The following BCAR3 variants were observed in gnomAD, a reference collection of about 807,000 sequenced individuals.
The protein encoded by BCAR3 is breast cancer anti-estrogen resistance protein 3.
In BCAR3, 37 loss-of-function variants were observed where a neutral mutation model predicts 80.1. The observed-to-expected ratio is 0.46, with a 90% confidence interval of 0.36 to 0.61. The LOEUF (loss-of-function observed/expected upper bound fraction) is 0.61, where lower values mean the gene tolerates loss of function less well. Among genes scored for constraint, BCAR3 ranks in the 20% least tolerant of loss-of-function variants. The pLI, the probability that BCAR3 is intolerant of heterozygous loss-of-function variation, is 0.00. For missense variants in BCAR3, 978 were observed against 1,068.2 expected (o/e 0.92, Z 1.18); for synonymous variants, 389 against 418.9 (o/e 0.93, Z 0.87).
chr1:93,695,100 A>G (rs1649341963), intron 3 of BCAR3, among the ~76,000 whole-genome samples: 2 of 152,202 alleles, frequency 1.3e-5, no homozygotes, highest in African/African-American at 4.8e-5. Flanking sequence ...CCTGTCATGC[A>G]TCGACATCAT....
rs75230671 is a variant in BCAR3 at position 93,716,336 on chromosome 1, C to T, written c.-62-10194G>A. ...AATAGCAATAGCATACAGTTGATGT[C>T]ACAGCACTGGCCTGAAGTCAGCGGA... On this transcript the variant is annotated intron_variant, in intron 2 of 13. Transcript: ENST00000370244. Among the ~76,000 whole-genome samples, 701 of 152,338 alleles carry T rather than the reference C, an allele frequency of 4.6e-3. 2 individuals are homozygous for T. The highest frequency in any genetic ancestry group is 0.016 in the African/African-American group (672 of 41,582).
intron 2 of BCAR3, among the ~76,000 whole-genome samples, chr1:93,743,368 C>A (rs764320962): frequency 6.6e-6 from 1 of 152,128 alleles, no homozygotes; most frequent in Non-Finnish European, 1.5e-5. Flanking sequence ...CTGGAGGTGA[C>A]CCTTCCAGAT....
At chr1:93,731,506 C>T (rs1650787598) in intron 2 of BCAR3, among the ~76,000 whole-genome samples, 2 of 152,060 alleles carry the variant, frequency 1.3e-5, no homozygotes, top group Admixed American at 1.3e-4. Flanking sequence ...GCTCCGCCCT[C>T]CAATTAACCC....
intron 2 of BCAR3, among the ~76,000 whole-genome samples, chr1:93,643,127 T>C (rs1361390828): frequency 6.7e-6 from 1 of 150,334 alleles, no homozygotes; most frequent in East Asian, 2.0e-4. Context: ...CTAGGGACGG[T>C]GAGGCAGGAG....
At chr1:93,782,133 C>T (rs7540800) in intron 2 of BCAR3, among the ~76,000 whole-genome samples, 20,535 of 152,184 alleles carry the variant, frequency 0.13, 2,172 homozygotes, top group African/African-American at 0.28. Context: ...GCAAAATTAA[C>T]TCTGAATGAT....
chr1:93,713,049 T>C (rs183339470), intron 2 of BCAR3, among the ~76,000 whole-genome samples: 27 of 152,382 alleles, frequency 1.8e-4, no homozygotes, highest in African/African-American at 6.5e-4. Flanking sequence ...GATGAGAATG[T>C]TCTCTGCACT....
rs180999076 is a variant in BCAR3 at position 93,736,113 on chromosome 1, G to T, written c.-62-29971C>A. ...TAATTATTGAATTAAATTAAGAAAAGAATCATGCAATTCCATTTTAAAACA... is the reference window on the plus strand; with the variant it reads ...TAATTATTGAATTAAATTAAGAAAATAATCATGCAATTCCATTTTAAAACA... On this transcript the variant is annotated intron_variant, in intron 2 of 13. Coordinates refer to the BCAR3 transcript ENST00000370244. Among the ~76,000 whole-genome samples the T allele has an allele frequency of 1.9e-3, 296 of 152,326 alleles. 1 individual carries two copies. Among genetic ancestry groups the T allele is most frequent in the African/African-American group, 6.5e-3 (270 of 41,572 alleles).
chr1:93,628,155 C>T (rs964673520), intron 3 of BCAR3, among the ~76,000 whole-genome samples: 2 of 152,122 alleles, frequency 1.3e-5, no homozygotes, highest in African/African-American at 4.8e-5. Flanking sequence ...ACAGCACCAT[C>T]CTACCAGTGT....
chr1:93,779,647 G>A (rs528042250), intron 2 of BCAR3, among the ~76,000 whole-genome samples: 1 of 152,316 alleles, frequency 6.6e-6, no homozygotes, highest in South Asian at 2.1e-4. Flanking sequence ...AATGTCATTA[G>A]AAACCTGAGC....
At chr1:93,598,273 C>T (rs1204754721) in intron 3 of BCAR3, among the ~76,000 whole-genome samples, 2 of 152,096 alleles carry the variant, frequency 1.3e-5, no homozygotes, top group African/African-American at 4.8e-5. Flanking sequence ...TGCACTTGGG[C>T]GATCTGTCAG....
chr1:93,598,675 T>G (rs1674520076), intron 3 of BCAR3, among the ~76,000 whole-genome samples: 1 of 152,226 alleles, frequency 6.6e-6, no homozygotes, highest in Non-Finnish European at 1.5e-5. Context: ...ATCTGCTCCC[T>G]GTCCCTCCCA....
At chr1:93,573,615 A>ATTTGTTTTTTTTTTTTTTTTT (rs919862286) in intron 8 of BCAR3, among the ~76,000 whole-genome samples, 2 of 129,792 alleles carry the variant, frequency 1.5e-5, no homozygotes, top group Non-Finnish European at 1.7e-5. Context: ...TATTTTTATT[A>ATTTGTTTTTTTTTTTTTTTTT]TTATTATTAT....
intron 2 of BCAR3, among the ~76,000 whole-genome samples, chr1:93,773,088 G>A (rs1367382113): frequency 6.6e-6 from 1 of 152,224 alleles, no homozygotes; most frequent in Non-Finnish European, 1.5e-5. Flanking sequence ...TTGACTAGAA[G>A]ATTGATAGGT....
chr1:93,573,615 A>ATTTGTTTTTTTTTTTTTTTTTTTTT (rs919862286), intron 8 of BCAR3, among the ~76,000 whole-genome samples: 1 of 129,800 alleles, frequency 7.7e-6, no homozygotes, highest in Non-Finnish European at 1.7e-5. Flanking sequence ...TATTTTTATT[A>ATTTGTTTTTTTTTTTTTTTTTTTTT]TTATTATTAT....
At chr1:93,637,139 G>T (rs1675807998) in intron 3 of BCAR3, among the ~76,000 whole-genome samples, 1 of 151,780 alleles carries the variant, frequency 6.6e-6, no homozygotes, top group Non-Finnish European at 1.5e-5. Context: ...GAGGCTAAAA[G>T]GAATATAGGT....
At chr1:93,722,595 A>G (rs1650442209) in intron 2 of BCAR3, among the ~76,000 whole-genome samples, 1 of 152,102 alleles carries the variant, frequency 6.6e-6, no homozygotes, top group Non-Finnish European at 1.5e-5. Context: ...TTGCTTTCAC[A>G]CGAGACGTTG....
At chr1:93,695,108 C>A (rs553893518) in intron 3 of BCAR3, among the ~76,000 whole-genome samples, 1 of 152,346 alleles carries the variant, frequency 6.6e-6, no homozygotes, top group East Asian at 1.9e-4. Flanking sequence ...GCATCGACAT[C>A]ATTCTGGTCT....
chr1:93,788,704 G>A (rs1370031306), intron 2 of BCAR3, among the ~76,000 whole-genome samples: 1 of 152,120 alleles, frequency 6.6e-6, no homozygotes, highest in Admixed American at 6.5e-5. Context: ...GACTGTGGGG[G>A]CTGGAGCCTC....
At chr1:93,655,071 T>C (rs956947568) in intron 2 of BCAR3, among the ~76,000 whole-genome samples, 9 of 152,134 alleles carry the variant, frequency 5.9e-5, no homozygotes, top group Admixed American at 3.3e-4. Context: ...AAGAGAACAA[T>C]AAACCTAAGC....
Sources: gnomAD v4.1 joint callset for allele counts (sites outside exome capture counted in the v4.1 genomes callset) on GRCh38, gnomAD v4.1.1 for gene constraint, MANE v1.5 for transcripts, NCBI Gene and HGNC (gene_info 2026-07-23, HGNC 2026-07-21) for gene names.